The following THSD4 variants were observed in gnomAD, a reference collection of about 807,000 sequenced individuals.
THSD4 encodes the protein thrombospondin type 1 domain containing 4.
Under a neutral mutation model 119.0 loss-of-function variants are expected in THSD4, and 69 were observed. That is an observed-to-expected ratio of 0.58 (90% CI 0.48 to 0.71). The LOEUF (loss-of-function observed/expected upper bound fraction) is 0.71, where lower values mean the gene tolerates loss of function less well. THSD4 is among the 30% of genes least tolerant of loss of function. THSD4 has a pLI of 0.00. For synonymous variants in THSD4, 524 were observed against 540.4 expected (o/e 0.97, Z 0.42); for missense variants, 1,393 against 1,391.1 (o/e 1.00, Z -0.02).
chr15:71,231,721 C>T (rs2044063271), intron 4 of THSD4, among the ~76,000 whole-genome samples: 2 of 152,120 alleles, frequency 1.3e-5, no homozygotes, highest in Admixed American at 6.5e-5. Context: ...CTGCAGCTAA[C>T]GTATGTGACA....
At chr15:71,447,379 CCTTGGCTTCCCAA>C (rs1268717183) in intron 7 of THSD4, among the ~76,000 whole-genome samples, 5 of 151,926 alleles carry the variant, frequency 3.3e-5, no homozygotes, top group South Asian at 2.1e-4. Context: ...TGGCTTCCCA[CCTTGGCTTCCCAA>C]AGTGCAAGGA....
chr15:71,377,876 A>C lies in THSD4; in HGVS notation c.1016-33811A>C, dbSNP rs1002507551. Reference sequence around the variant, plus strand: ...TCCCGGACATATCCACAACACACACACACACACACACACACACACACACAC... The same window carrying C: ...TCCCGGACATATCCACAACACACACCCACACACACACACACACACACACAC... On this transcript the variant is annotated intron_variant, in intron 6 of 17. Transcript: ENST00000261862. 7.0e-5 allele frequency among the ~76,000 whole-genome samples: 5 copies of C among 71,160 alleles called. No homozygotes were observed. In the East Asian group the frequency reaches 3.1e-3, roughly 44 times the overall value. The allele number at this position is 71,160 out of a possible 152,430, so 46.7% of individuals were successfully genotyped here.
At chr15:71,159,452 G>A (rs979963605) in intron 3 of THSD4, among the ~76,000 whole-genome samples, 4 of 151,856 alleles carry the variant, frequency 2.6e-5, no homozygotes, top group Admixed American at 2.0e-4. Context: ...TATGAACATG[G>A]GTTATTATCC....
At chr15:71,360,965 C>T (rs1156660712) in intron 6 of THSD4, among the ~76,000 whole-genome samples, 1 of 152,182 alleles carries the variant, frequency 6.6e-6, no homozygotes, top group African/African-American at 2.4e-5. Flanking sequence ...ATTTGGGTTT[C>T]AGGGAAGATT....
intron 5 of THSD4, among the ~76,000 whole-genome samples, chr15:71,246,971 C>A (rs949411961): frequency 1.4e-5 from 2 of 142,886 alleles, no homozygotes; most frequent in Non-Finnish European, 3.0e-5. Context: ...GTCACTACAA[C>A]CTCCACCTCC....
At chr15:71,660,337 C>T in intron 7 of THSD4, 193 bp from the exon 8 acceptor site, 1 of 622,368 alleles carries the variant, frequency 1.6e-6, no homozygotes, top group Admixed American at 2.9e-5. Context: ...TTCTCCTGAT[C>T]ATTTACCACC....
At chr15:71,430,771 A>AAG (rs1197222340) in intron 7 of THSD4, among the ~76,000 whole-genome samples, 1 of 146,532 alleles carries the variant, frequency 6.8e-6, no homozygotes, top group Non-Finnish European at 1.5e-5. Flanking sequence ...AAAAAAAAAA[A>AAG]AAAAAAAAAA....
At chr15:71,353,377 G>A (rs1345286640) in intron 6 of THSD4, among the ~76,000 whole-genome samples, 1 of 152,172 alleles carries the variant, frequency 6.6e-6, no homozygotes, top group African/African-American at 2.4e-5. Context: ...TAATCTGATT[G>A]CAAAAGAAAC....
At chr15:71,661,098 G>T (rs2051297209) in intron 8 of THSD4, among the ~76,000 whole-genome samples, 1 of 152,284 alleles carries the variant, frequency 6.6e-6, no homozygotes, top group African/African-American at 2.4e-5. Flanking sequence ...ATTTGAGGTG[G>T]CCAGGGACAA....
At chr15:71,160,632 G>A (rs1299629634) in intron 3 of THSD4, among the ~76,000 whole-genome samples, 2 of 151,680 alleles carry the variant, frequency 1.3e-5, no homozygotes, top group African/African-American at 4.8e-5. Flanking sequence ...GTCTTTCTGT[G>A]TTATCAGTTG....
intron 7 of THSD4, among the ~76,000 whole-genome samples, chr15:71,569,818 A>G (rs1312826920): frequency 1.3e-5 from 2 of 152,162 alleles, no homozygotes; most frequent in Non-Finnish European, 2.9e-5. Flanking sequence ...ACATGGTGAA[A>G]CCCTATCTCT....
intron 8 of THSD4, among the ~76,000 whole-genome samples, chr15:71,722,463 A>T (rs1443945196): frequency 6.6e-6 from 1 of 152,176 alleles, no homozygotes; most frequent in Non-Finnish European, 1.5e-5. Flanking sequence ...CTGTCTTTCA[A>T]ATGGTTCTTT....
In THSD4 at chr15:71,757,894, TCTCACAGTG is replaced by T; in HGVS notation, c.2416-3_2421del. The T allele has an allele frequency of 6.2e-7, 1 of 1,613,086 alleles. No individual in the cohort carries two copies. On this transcript the variant is annotated splice_acceptor_variant and splice_polypyrimidine_tract_variant and coding_sequence_variant and intron_variant, in exon 15 of 18. Transcript: ENST00000261862. LOFTEE classifies it high-confidence loss of function. ...TCCTGACTAATGTGCCCTTCCCCTG[TCTCACAGTG>T]CTCAGCGGAGTGTGGGGCCGGAGTG... is the stretch of plus-strand genomic sequence containing the variant.
At chr15:71,328,287 C>T (rs750638811) in intron 6 of THSD4, among the ~76,000 whole-genome samples, 5 of 152,154 alleles carry the variant, frequency 3.3e-5, no homozygotes, top group African/African-American at 7.2e-5. Flanking sequence ...TGTATGGCCA[C>T]GCAAAACCTT....
rs553098936 is a variant in THSD4, at chr15:71,470,847, G to A, written c.1152+59024G>A. ...AGACGGGGTTTCACCTTGTTAGCCA[G>A]GATGGTCTTGATCTCCTGACCTCAT... On this transcript the variant is annotated intron_variant, in intron 7 of 17. Coordinates refer to ENST00000261862, the MANE Select transcript of THSD4 (RefSeq NM_024817.3). 1.6e-3 allele frequency among the ~76,000 whole-genome samples: 237 copies of A among 152,060 alleles called. 3 individuals are homozygous for A. Among genetic ancestry groups the A allele is most frequent in the African/African-American group, 4.9e-3 (202 of 41,510 alleles).
chr15:71,645,326 G>A (rs1398494657), intron 7 of THSD4, among the ~76,000 whole-genome samples: 1 of 152,166 alleles, frequency 6.6e-6, no homozygotes, highest in Non-Finnish European at 1.5e-5. Context: ...AAGCAAACAT[G>A]TCCTTCTTCA....
chr15:71,585,112 T>A (rs1218346431), intron 7 of THSD4, among the ~76,000 whole-genome samples: 2 of 152,224 alleles, frequency 1.3e-5, no homozygotes, highest in Non-Finnish European at 2.9e-5. Flanking sequence ...TTAAAAGTAA[T>A]TTATATGCCA....
intron 7 of THSD4, among the ~76,000 whole-genome samples, chr15:71,651,047 A>G (rs189128082): frequency 6.6e-6 from 1 of 152,230 alleles, no homozygotes; most frequent in Admixed American, 6.5e-5. Context: ...AATTCGATGA[A>G]TGAATTAATG....
chr15:71,298,849 G>A (rs553364276), intron 6 of THSD4, among the ~76,000 whole-genome samples: 2 of 152,318 alleles, frequency 1.3e-5, no homozygotes, highest in Admixed American at 6.5e-5. Flanking sequence ...CTGAGCTTGG[G>A]CAATCCACCG....
Sources: allele counts gnomAD v4.1 joint callset (sites outside exome capture counted in the v4.1 genomes callset), GRCh38; gene constraint gnomAD v4.1.1; transcripts MANE v1.5; gene names NCBI Gene and HGNC (gene_info 2026-07-23, HGNC 2026-07-21).